The following NUDT16 variants were observed in gnomAD, a reference collection of about 807,000 sequenced individuals.
The protein encoded by NUDT16 is nudix hydrolase 16, also known as U8 snoRNA-decapping enzyme.
Under a neutral mutation model 11.7 loss-of-function variants are expected in NUDT16, and 12 were observed. The observed-to-expected ratio is 1.03, with a 90% confidence interval of 0.66 to 1.67. NUDT16 has a LOEUF of 1.67. Ranked by LOEUF, NUDT16 falls within the 40% of genes most tolerant of loss-of-function variation. The pLI, the probability that NUDT16 is intolerant of heterozygous loss-of-function variation, is 0.00. For missense variants in NUDT16, 303 were observed against 268.9 expected, an observed-to-expected ratio of 1.13 and a Z score of -0.89; for synonymous variants, 129 against 122.6, an observed-to-expected ratio of 1.05 and a Z score of -0.35.
At position 131,382,147 on chromosome 3, in the gene NUDT16, G is replaced by A. The variant is rs1469044943; in HGVS notation, c.240G>A (p.Glu80=). The A allele has an allele frequency of 6.2e-7, 1 of 1,611,732 alleles. No homozygotes were observed. Among genetic ancestry groups the A allele is most frequent in the African/African-American group, 1.3e-5 (1 of 74,934 alleles). Residue 80 remains glutamate, a synonymous_variant, in exon 2 of 3, where the codon GAG becomes GAA. Coordinates refer to ENST00000521288, the MANE Select transcript of NUDT16 (RefSeq NM_152395.3). The part of the protein sequence containing the change: ...EDGLNRELRE[E]LGEAAAAFRV... ...GGCTGAACCGCGAGCTGCGCGAGGA[G>A]CTGGGCGAAGCGGCTGCCGCTTTCC...
In NUDT16 at chr3:131,384,146, A is replaced by C. The variant is rs990883724; in HGVS notation, c.*805A>C. On this transcript the variant is annotated 3_prime_UTR_variant, in exon 3 of 3. Transcript: ENST00000521288. ...AAGGTGGTATAAAAACATAGACTGG[A>C]GGAGGTAATCCATGGAGAGAGAAAA... is the stretch of plus-strand genomic sequence containing the variant. 1 of 152,270 alleles carries C rather than the reference A, an allele frequency of 6.6e-6. No homozygotes were observed. Among genetic ancestry groups the C allele is most frequent in the Non-Finnish European group, 1.5e-5 (1 of 68,116 alleles). 9.4% of individuals were successfully genotyped at this position (152,270 alleles called of 1,614,324 possible).
At position 131,388,247 on chromosome 3, in the gene NUDT16, A is replaced by G. The variant is rs2097461167; in HGVS notation, c.*4906A>G. 6.6e-6 allele frequency: 1 copy of G among 152,250 alleles called. No homozygotes were observed. The allele number at this position is 152,250 out of a possible 1,614,324, so 9.4% of individuals were successfully genotyped here. A position where few individuals can be genotyped will look rare whatever the true frequency, so the allele number is the denominator to read the frequency against. ...AAAGTGCAAAACAAGGAAAATGGCC[A>G]AAGAGAATATCATAGATACAGAGAT... On this transcript the variant is annotated 3_prime_UTR_variant, in exon 3 of 3. Coordinates refer to ENST00000521288, the MANE Select transcript of NUDT16 (RefSeq NM_152395.3).
At position 131,383,583 on chromosome 3, in the gene NUDT16, G is replaced by A. The variant is rs2097457585; in HGVS notation, c.*242G>A. 2 of 725,638 alleles carry A rather than the reference G, an allele frequency of 2.8e-6. No individual in the cohort carries two copies. The highest frequency in any genetic ancestry group is 4.5e-6 in the Non-Finnish European group (2 of 448,704). 44.9% of individuals were successfully genotyped at this position (725,638 alleles called of 1,614,324 possible). On this transcript the variant is annotated 3_prime_UTR_variant, in exon 3 of 3. Coordinates refer to ENST00000521288, the MANE Select transcript of NUDT16 (RefSeq NM_152395.3). The surrounding 1 kb of genome is among the most constrained non-coding windows in gnomAD (Gnocchi z 4.4). ...GGTTCTCAGAGCCTGCCTCCTCCCT[G>A]TTTATATGCGTACAGCCTGGTAACC...
rs1051138067 is a variant in NUDT16, at chr3:131,387,173, G to C, written c.*3832G>C. 6.6e-6 allele frequency: 1 copy of C among 152,248 alleles called. No homozygotes were observed. The highest frequency in any genetic ancestry group is 6.5e-5 in the Admixed American group (1 of 15,280). 9.4% of individuals were successfully genotyped at this position (152,248 alleles called of 1,614,324 possible). A position where few individuals can be genotyped will look rare whatever the true frequency, so the allele number is the denominator to read the frequency against. On this transcript the variant is annotated 3_prime_UTR_variant, in exon 3 of 3. Coordinates refer to ENST00000521288, the MANE Select transcript of NUDT16 (RefSeq NM_152395.3). ...ATTCTGAGGAAGAGGAGTATGGGCA[G>C]GGCAGAGGAAAAAGGAAAAATGGGA...
chr3:131,382,820 G>A (rs999513312), intron 2 of NUDT16: 1 of 902,338 alleles, frequency 1.1e-6, no homozygotes, highest in Non-Finnish European at 1.6e-6. Flanking sequence ...GAGGAAACCT[G>A]AGAATTTGTA....
rs1475668235 is a variant in NUDT16 at position 131,385,002 on chromosome 3, G to A, written c.*1661G>A. ...CTGGGATGGGTACACTTACTGCAGT[G>A]TTGGGGTTTTGCCAGGGAAGTAAAA... is the stretch of plus-strand genomic sequence containing the variant. On this transcript the variant is annotated 3_prime_UTR_variant, in exon 3 of 3. Coordinates refer to ENST00000521288, the MANE Select transcript of NUDT16 (RefSeq NM_152395.3). The A allele has an allele frequency of 6.6e-6, 1 of 152,340 alleles. No homozygotes were observed. Among genetic ancestry groups the A allele is most frequent in the African/African-American group, 2.4e-5 (1 of 41,426 alleles). 9.4% of individuals were successfully genotyped at this position (152,340 alleles called of 1,614,324 possible). A position where few individuals can be genotyped will look rare whatever the true frequency, so the allele number is the denominator to read the frequency against.
intron 2 of NUDT16, chr3:131,382,630 T>C: frequency 6.8e-7 from 1 of 1,471,312 alleles, no homozygotes; most frequent in East Asian, 2.5e-5. Flanking sequence ...ACCTAGGTTT[T>C]ATTCTTGGGG....
chr3:131,383,036 G>A lies in NUDT16; in HGVS notation c.409-126G>A. 1 of 1,034,596 alleles carries A rather than the reference G, an allele frequency of 9.7e-7. No individual in the cohort carries two copies. Among genetic ancestry groups the A allele is most frequent in the Non-Finnish European group, 1.4e-6 (1 of 700,804 alleles). 64.1% of individuals were successfully genotyped at this position (1,034,596 alleles called of 1,614,324 possible). On this transcript the variant is annotated intron_variant, in intron 2 of 2. Coordinates refer to ENST00000521288, the MANE Select transcript of NUDT16 (RefSeq NM_152395.3). This position sits in a 1 kb window ranked among gnomAD's most constrained non-coding sequence, Gnocchi z 4.4. The stretch of plus-strand genomic sequence containing the variant: ...GGTTGGGCCACTAGGCTTTAGTGAG[G>A]TGTGAGCCTTGGGCCTGGTTCTGCT...
chr3:131,383,195 C>T lies in NUDT16; in HGVS notation c.442C>T (p.Leu148=). The T allele has an allele frequency of 6.2e-7, 1 of 1,613,440 alleles. No individual in the cohort carries two copies. Among genetic ancestry groups the T allele is most frequent in the South Asian group, 1.1e-5 (1 of 91,050 alleles). ...CCTGGTGCGAGTGCCCCTGTATACC[C>T]TGCGGGATGGTGTAGGAGGCCTGCC... ...LGLVRVPLYT[L]RDGVGGLPTF... is the part of the protein sequence containing the mutation. The change falls in exon 3 of 3, where the codon CTG becomes TTG. Residue 148 remains leucine, a synonymous_variant. Coordinates refer to ENST00000521288, the MANE Select transcript of NUDT16 (RefSeq NM_152395.3). The surrounding 1 kb of genome is among the most constrained non-coding windows in gnomAD (Gnocchi z 4.4).
Position 131,387,877 on chromosome 3 carries a change from CT to C in NUDT16, c.*4537del, listed in dbSNP as rs949676449. On this transcript the variant is annotated 3_prime_UTR_variant, in exon 3 of 3. Transcript: ENST00000521288. Reference sequence around the variant, plus strand: ...TGAAACCAAAAGAGCAGAATTGCCCCTAATTGATTTAAGTAAACAGCAAGTA... The same window carrying C: ...TGAAACCAAAAGAGCAGAATTGCCCCAATTGATTTAAGTAAACAGCAAGTA... 3.3e-5 allele frequency: 5 copies of C among 152,126 alleles called. No homozygotes were observed. The highest frequency in any genetic ancestry group is 1.2e-4 in the African/African-American group (5 of 41,440). 9.4% of individuals were successfully genotyped at this position (152,126 alleles called of 1,614,324 possible). A position where few individuals can be genotyped will look rare whatever the true frequency, so the allele number is the denominator to read the frequency against.
chr3:131,382,565 C>T, intron 2 of NUDT16: 1 of 1,534,274 alleles, frequency 6.5e-7, no homozygotes, highest in Non-Finnish European at 8.7e-7. Context: ...ATCCATGTCT[C>T]TCTGCTGTTC....
At position 131,383,460 on chromosome 3, in the gene NUDT16, AAAG is replaced by A. The variant is rs747956086; in HGVS notation, c.*123_*125del. 84 of 1,540,102 alleles carry A rather than the reference AAAG, an allele frequency of 5.5e-5. No homozygotes were observed. Among genetic ancestry groups the A allele is most frequent in the Non-Finnish European group, 6.8e-5 (78 of 1,147,538 alleles). On this transcript the variant is annotated 3_prime_UTR_variant, in exon 3 of 3. Transcript: ENST00000521288. The surrounding 1 kb of genome is among the most constrained non-coding windows in gnomAD (Gnocchi z 4.4). ...AGAGATGATACATGATACCAGATGA[AAAG>A]AAGGAGAAGTGTGTACCATATGTTT...
rs1418537664 is a variant in NUDT16 at position 131,382,326 on chromosome 3, C to T, written c.408+11C>T. 3.1e-6 allele frequency: 5 copies of T among 1,612,770 alleles called. No individual in the cohort carries two copies. The highest frequency in any genetic ancestry group is 2.2e-5 in the East Asian group (1 of 44,864). ...GACCACGGGCTGGAGGTGGGACCAG[C>T]CTGGGACTCTGTCCCTTTCCCAATT... is the stretch of plus-strand genomic sequence containing the variant. On this transcript the variant is annotated intron_variant, in intron 2 of 2. Transcript: ENST00000521288.
At position 131,386,282 on chromosome 3, in the gene NUDT16, G is replaced by C. The variant is rs974995393; in HGVS notation, c.*2941G>C. On this transcript the variant is annotated 3_prime_UTR_variant, in exon 3 of 3. Coordinates refer to ENST00000521288, the MANE Select transcript of NUDT16 (RefSeq NM_152395.3). Reference sequence around the variant, plus strand: ...GGGGGGTGATACAAGTTCACACTCTGTGTTTCTCCTCCTGTTAGCCATTCC... The same window carrying C: ...GGGGGGTGATACAAGTTCACACTCTCTGTTTCTCCTCCTGTTAGCCATTCC... 1.3e-5 allele frequency: 2 copies of C among 152,244 alleles called. No individual in the cohort carries two copies. The highest frequency in any genetic ancestry group is 4.8e-5 in the African/African-American group (2 of 41,444). 9.4% of individuals were successfully genotyped at this position (152,244 alleles called of 1,614,324 possible).
In NUDT16 at chr3:131,381,917, G is replaced by T; in HGVS notation, c.113G>T (p.Arg38Leu). ...YAPDPGMLFG[R>L]IPLRYAILMQ... ...CCGGACCCTGGGATGCTCTTCGGCC[G>T]CATCCCGCTGCGCTACGCCATACTG... Residue 38 changes from arginine to leucine, a missense_variant, in exon 1 of 3, where the codon CGC (arginine) becomes CTC (leucine). By Grantham distance (102) the Arg-to-Leu change is moderately radical (BLOSUM62 -2). Coordinates refer to ENST00000521288, the MANE Select transcript of NUDT16 (RefSeq NM_152395.3). 6.2e-7 allele frequency: 1 copy of T among 1,611,436 alleles called. No individual in the cohort carries two copies. The highest frequency in any genetic ancestry group is 8.5e-7 in the Non-Finnish European group (1 of 1,179,400).
In NUDT16 at chr3:131,382,205, G is replaced by T; in HGVS notation, c.298G>T (p.Val100Phe). 1 of 1,611,144 alleles carries T rather than the reference G, an allele frequency of 6.2e-7. No homozygotes were observed. The highest frequency in any genetic ancestry group is 8.5e-7 in the Non-Finnish European group (1 of 1,178,722). ...GCGCACTGACTACCGCAGCTCCCAC[G>T]TCGGGTCAGGGCCACGCGTTGTGGC... ...VERTDYRSSH[V>F]GSGPRVVAHF... is the part of the protein sequence containing the mutation. Residue 100 changes from valine (V) to phenylalanine (F), a missense_variant, in exon 2 of 3, where the codon GTC (valine) becomes TTC (phenylalanine). By Grantham distance (50) the Val-to-Phe change is conservative. Coordinates refer to ENST00000521288, the MANE Select transcript of NUDT16 (RefSeq NM_152395.3).
Position 131,383,616 on chromosome 3 carries a change from A to T in NUDT16, c.*275A>T. 4 of 617,680 alleles carry T rather than the reference A, an allele frequency of 6.5e-6. No individual in the cohort carries two copies. The South Asian group carries it at 8.0e-5, about 12-fold the overall frequency. The allele number at this position is 617,680 out of a possible 1,614,324, so 38.3% of individuals were successfully genotyped here. On this transcript the variant is annotated 3_prime_UTR_variant, in exon 3 of 3. Transcript: ENST00000521288. The surrounding 1 kb of genome is among the most constrained non-coding windows in gnomAD (Gnocchi z 4.4). ...GCGTACAGCCTGGTAACCCCCAGGC[A>T]TGCAAATATACAATCTGTAACAACA... is the stretch of plus-strand genomic sequence containing the variant.
In NUDT16 at chr3:131,384,284, G is replaced by C. The variant is rs1464355394; in HGVS notation, c.*943G>C. ...CGGACTATGCAGAGTGCTTGTGAGG[G>C]TTTCACTAAAACAGAGGCAAAACTG... On this transcript the variant is annotated 3_prime_UTR_variant, in exon 3 of 3. Coordinates refer to ENST00000521288, the MANE Select transcript of NUDT16 (RefSeq NM_152395.3). 1 of 152,214 alleles carries C rather than the reference G, an allele frequency of 6.6e-6. No individual in the cohort carries two copies. The highest frequency in any genetic ancestry group is 1.9e-4 in the East Asian group (1 of 5,194). The allele number at this position is 152,214 out of a possible 1,614,324, so 9.4% of individuals were successfully genotyped here.
Position 131,384,962 on chromosome 3 carries a change from A to T in NUDT16, c.*1621A>T, listed in dbSNP as rs1393773636. ...CTCTGCACACACCTGTCTTCCCCTC[A>T]TCAGGATTCAGGAGCTGGGATGGGT... On this transcript the variant is annotated 3_prime_UTR_variant, in exon 3 of 3. Transcript: ENST00000521288. 6.6e-6 allele frequency: 1 copy of T among 152,298 alleles called. No homozygotes were observed. Among genetic ancestry groups the T allele is most frequent in the African/African-American group, 2.4e-5 (1 of 41,426 alleles). 9.4% of individuals were successfully genotyped at this position (152,298 alleles called of 1,614,324 possible). A position where few individuals can be genotyped will look rare whatever the true frequency, so the allele number is the denominator to read the frequency against.
Sources: allele counts gnomAD v4.1 joint callset, GRCh38; gene constraint gnomAD v4.1.1; non-coding constraint Gnocchi (gnomAD v3.1); transcripts MANE v1.5; gene names NCBI Gene and HGNC (gene_info 2026-07-23, HGNC 2026-07-21).